The following DIAPH2 variants were observed in gnomAD, a reference collection of about 807,000 sequenced individuals.
DIAPH2 encodes the protein protein diaphanous homolog 2.
In DIAPH2, 35 loss-of-function variants were observed where a neutral mutation model predicts 92.7. The observed-to-expected ratio is 0.38, with a 90% confidence interval of 0.29 to 0.50. The LOEUF (loss-of-function observed/expected upper bound fraction) is 0.50. DIAPH2 is among the 20% of genes least tolerant of loss of function. The probability of loss-of-function intolerance (pLI) is 0.94; values close to 1 mark genes in which losing one functional copy is unlikely to be tolerated. For missense variants in DIAPH2, 701 were observed against 819.5 expected (o/e 0.86, Z 1.77); for synonymous variants, 301 against 280.4 (o/e 1.07, Z -0.73).
At chrX:97,567,468 T>C (rs1443276160) in intron 26 of DIAPH2, among the ~76,000 whole-genome samples, 1 of 112,224 alleles carries the variant, frequency 8.9e-6, no homozygotes, top group Non-Finnish European at 1.9e-5. Flanking sequence ...GCAGCTAAGA[T>C]TCAGATTTAT....
chrX:97,440,485 G>A (rs1339102297), intron 26 of DIAPH2, among the ~76,000 whole-genome samples: 1 of 108,753 alleles, frequency 9.2e-6, no homozygotes, highest in East Asian at 2.9e-4. Context: ...CCAGCCACTC[G>A]GGAGGCTGAA....
chrX:96,818,609 T>C (rs1382835320), intron 4 of DIAPH2, among the ~76,000 whole-genome samples: 1 of 112,420 alleles, frequency 8.9e-6, no homozygotes, highest in Non-Finnish European at 1.9e-5. Flanking sequence ...TTTGAAGTGC[T>C]CAGTAGCTGC....
chrX:97,413,167 G>C (rs1185021938), intron 25 of DIAPH2, among the ~76,000 whole-genome samples: 2 of 111,653 alleles, frequency 1.8e-5, no homozygotes, highest in Non-Finnish European at 3.8e-5. Flanking sequence ...TAAAATAGTG[G>C]TAAACCGAAT....
chrX:97,101,330 G>A (rs1236302762), intron 20 of DIAPH2, among the ~76,000 whole-genome samples: 3 of 109,952 alleles, frequency 2.7e-5, no homozygotes, highest in South Asian at 3.9e-4. Context: ...GCATATCCTT[G>A]GTACCACACT....
At chrX:97,356,571 T>TA (rs745395194) in intron 24 of DIAPH2, among the ~76,000 whole-genome samples, 32 of 112,179 alleles carry the variant, frequency 2.9e-4, no homozygotes, top group African/African-American at 9.7e-4. Flanking sequence ...GAGCAGACTT[T>TA]ACTGTATTTT....
chrX:97,416,649 A>G (rs1005298255), intron 25 of DIAPH2, among the ~76,000 whole-genome samples: 2 of 111,799 alleles, frequency 1.8e-5, no homozygotes, highest in South Asian at 7.7e-4. Flanking sequence ...CACTAGGACT[A>G]TTGTGCCTGG....
At chrX:96,744,171 C>A (rs999292598) in intron 3 of DIAPH2, among the ~76,000 whole-genome samples, 2 of 112,065 alleles carry the variant, frequency 1.8e-5, no homozygotes, top group Admixed American at 9.4e-5. Context: ...ACGGTAATAA[C>A]CTTACAGTGA....
At chrX:97,242,089 T>C (rs952464246) in intron 22 of DIAPH2, among the ~76,000 whole-genome samples, 17 of 111,623 alleles carry the variant, frequency 1.5e-4, no homozygotes, top group Non-Finnish European at 1.9e-4. Flanking sequence ...GGCTGATTTT[T>C]CTTATGAGTA....
rs1219167141 is a variant in DIAPH2 at position 96,751,652 on chromosome X, G to GTTT, written c.343-6485_343-6483dup. Among the ~76,000 whole-genome samples the GTTT allele has an allele frequency of 8.3e-5, 5 of 60,310 alleles. 1 individual carries two copies. The East Asian group carries it at 1.9e-3, about 23-fold the overall frequency. 52.4% of individuals were successfully genotyped at this position (60,310 alleles called of 115,157 possible). On this transcript the variant is annotated intron_variant, in intron 3 of 26. Transcript: ENST00000324765. The stretch of plus-strand genomic sequence containing the variant: ...ATGGTCAACTAGACTTCAGTGTTTT[G>GTTT]TTTTTTTTTTTTTTTTTTTGAGACG...
intron 19 of DIAPH2, among the ~76,000 whole-genome samples, chrX:97,091,917 T>G (rs1170023492): frequency 8.9e-6 from 1 of 111,917 alleles, no homozygotes; most frequent in African/African-American, 3.3e-5. Flanking sequence ...GCCTTGTGTT[T>G]AGAAGTTTCC....
intron 26 of DIAPH2, among the ~76,000 whole-genome samples, chrX:97,574,690 T>G (rs1924417136): frequency 8.9e-6 from 1 of 112,089 alleles, no homozygotes; most frequent in Non-Finnish European, 1.9e-5. Context: ...CTGTTAACAT[T>G]GCTGGAACAT....
chrX:97,104,965 C>T (rs753846202), intron 20 of DIAPH2, among the ~76,000 whole-genome samples: 10 of 111,475 alleles, frequency 9.0e-5, no homozygotes, highest in Non-Finnish European at 1.9e-4. Flanking sequence ...GGCAAAACCC[C>T]GTCTCTACAA....
At chrX:97,025,036 G>C (rs953435353) in intron 17 of DIAPH2, among the ~76,000 whole-genome samples, 11 of 112,290 alleles carry the variant, frequency 9.8e-5, no homozygotes, top group African/African-American at 3.6e-4. Context: ...AGTGTTGATA[G>C]ATTTAGCTCC....
intron 23 of DIAPH2, among the ~76,000 whole-genome samples, chrX:97,317,732 GA>G (rs773926880): frequency 1.8e-4 from 20 of 112,287 alleles, no homozygotes; most frequent in Non-Finnish European, 3.6e-4. Flanking sequence ...GAATGTGACT[GA>G]AGGGAACAGT....
chrX:97,576,554 T>C (rs1265103413), intron 26 of DIAPH2, among the ~76,000 whole-genome samples: 1 of 109,364 alleles, frequency 9.1e-6, no homozygotes, highest in East Asian at 2.8e-4. Context: ...TACAGAGAGG[T>C]CAAGGAAAAT....
At chrX:96,867,241 C>T (rs183486911) in intron 4 of DIAPH2, among the ~76,000 whole-genome samples, 22 of 111,042 alleles carry the variant, frequency 2.0e-4, no homozygotes, top group African/African-American at 6.9e-4. Context: ...TTTTTTTAGA[C>T]GGAGTCTTGC....
At chrX:97,203,066 G>C (rs900148801) in intron 22 of DIAPH2, among the ~76,000 whole-genome samples, 21 of 111,996 alleles carry the variant, frequency 1.9e-4, no homozygotes, top group African/African-American at 6.2e-4. Context: ...CCTCCTGAAT[G>C]ACCCCTGGGT....
chrX:97,155,811 G>GT (rs2067318439), intron 22 of DIAPH2, among the ~76,000 whole-genome samples: 2 of 111,496 alleles, frequency 1.8e-5, no homozygotes, highest in African/African-American at 6.5e-5. Context: ...ATACCTACTT[G>GT]TAACTAGCAG....
intron 23 of DIAPH2, among the ~76,000 whole-genome samples, chrX:97,261,112 A>G (rs1235941247): frequency 4.4e-5 from 5 of 112,598 alleles, no homozygotes; most frequent in African/African-American, 1.6e-4. Context: ...TTGAATTATT[A>G]GTTTATAAAA....
Sources: allele counts gnomAD v4.1 joint callset (sites outside exome capture counted in the v4.1 genomes callset), GRCh38; gene constraint gnomAD v4.1.1; transcripts MANE v1.5; gene names NCBI Gene and HGNC (gene_info 2026-07-23, HGNC 2026-07-21).